The following SOBP variants were observed in gnomAD, a reference collection of about 807,000 sequenced individuals.
SOBP encodes the protein sine oculis binding protein homolog, also known as sine oculis-binding protein homolog.
SOBP carries 4 observed loss-of-function variants against 53.6 expected under a neutral mutation model. The ratio of observed to expected loss-of-function variants is 0.07; its 90% CI spans 0.04 to 0.17. The LOEUF (loss-of-function observed/expected upper bound fraction) is 0.17, where lower values mean the gene tolerates loss of function less well. Ranked by LOEUF, SOBP falls within the 10% of genes least tolerant of loss-of-function variation. The probability of loss-of-function intolerance (pLI) is 1.00; values close to 1 mark genes in which losing one functional copy is unlikely to be tolerated. For synonymous variants in SOBP, 584 were observed against 522.6 expected (o/e 1.12, Z -1.60); for missense variants, 1,088 against 1,204.7 (o/e 0.90, Z 1.43).
At chr6:107,640,886 G>T (rs927089267) in intron 6 of SOBP, among the ~76,000 whole-genome samples, 89 of 152,312 alleles carry the variant, frequency 5.8e-4, no homozygotes, top group African/African-American at 1.7e-3. Flanking sequence ...TGCTAGTGCA[G>T]CACTGGTCCT....
intron 1 of SOBP, among the ~76,000 whole-genome samples, chr6:107,494,032 A>G (rs371787675): frequency 1.3e-5 from 2 of 152,214 alleles, no homozygotes; most frequent in African/African-American, 2.4e-5. Context: ...AAATATCTTC[A>G]TGTAGAAATG....
At position 107,658,568 on chromosome 6, in the gene SOBP, G is replaced by T. The variant is rs1772168642; in HGVS notation, c.*365G>T. On this transcript the variant is annotated 3_prime_UTR_variant, in exon 7 of 7. Coordinates refer to ENST00000317357, the MANE Select transcript of SOBP (RefSeq NM_018013.4). ...GCCCCATCTTCAAGGCTCAGCGACT[G>T]AGGCTGGAAGATGATATGGATTGGA... 6.6e-6 allele frequency: 1 copy of T among 152,644 alleles called. No individual in the cohort carries two copies. Among genetic ancestry groups the T allele is most frequent in the Non-Finnish European group, 1.5e-5 (1 of 68,046 alleles). 9.5% of individuals were successfully genotyped at this position (152,644 alleles called of 1,614,324 possible).
At chr6:107,498,404 T>A (rs973294365) in intron 1 of SOBP, among the ~76,000 whole-genome samples, 1 of 152,216 alleles carries the variant, frequency 6.6e-6, no homozygotes, top group African/African-American at 2.4e-5. Flanking sequence ...AATCTACTTG[T>A]TGTTTTCAAA....
intron 5 of SOBP, among the ~76,000 whole-genome samples, chr6:107,602,508 A>G (rs1199051822): frequency 6.7e-6 from 1 of 150,104 alleles, no homozygotes; most frequent in African/African-American, 2.5e-5. Flanking sequence ...AATCAAACCA[A>G]AGTCTGGAAC....
chr6:107,562,398 C>G (rs1400602917), intron 4 of SOBP, among the ~76,000 whole-genome samples: 3 of 152,142 alleles, frequency 2.0e-5, no homozygotes, highest in Non-Finnish European at 4.4e-5. Flanking sequence ...AAAAGTTTGT[C>G]TTTAGACCGT....
At chr6:107,509,411 C>A (rs56884503) in intron 3 of SOBP, among the ~76,000 whole-genome samples, 18,453 of 144,644 alleles carry the variant, frequency 0.13, 1,842 homozygotes, top group African/African-American at 0.25. Context: ...AAAAAAAAAA[C>A]AAAACAAAAA....
intron 5 of SOBP, among the ~76,000 whole-genome samples, chr6:107,611,560 C>T (rs901426315): frequency 4.6e-5 from 7 of 152,202 alleles, no homozygotes; most frequent in Admixed American, 2.0e-4. Context: ...TATCACTTTC[C>T]TCCTCAGCCC....
In SOBP at chr6:107,660,429, G is replaced by A. The variant is rs1772249909; in HGVS notation, c.*2226G>A. 6.6e-6 allele frequency among the ~76,000 whole-genome samples: 1 copy of A among 152,148 alleles called. No individual in the cohort carries two copies. ...ACAGTGCATGGGAAGTGAGTGTTTA[G>A]GCTGTAGACCCAGGTGTGGTGTCCC... On this transcript the variant is annotated 3_prime_UTR_variant, in exon 7 of 7. Transcript: ENST00000317357.
At chr6:107,515,300 A>G (rs1419738816) in intron 3 of SOBP, among the ~76,000 whole-genome samples, 1 of 152,248 alleles carries the variant, frequency 6.6e-6, no homozygotes, top group African/African-American at 2.4e-5. Flanking sequence ...AAAAACAAAC[A>G]AAGAAAAGAA....
intron 5 of SOBP, among the ~76,000 whole-genome samples, chr6:107,626,016 C>A (rs1770444902): frequency 6.6e-6 from 1 of 151,828 alleles, no homozygotes; most frequent in South Asian, 2.1e-4. Context: ...AATGAAACTT[C>A]AAATATTCAT....
intron 3 of SOBP, chr6:107,513,881 A>G (rs916656199): frequency 6.6e-5 from 10 of 152,608 alleles, no homozygotes; most frequent in Non-Finnish European, 1.2e-4. Context: ...GTTTTTGAGC[A>G]TGTATTATGC....
chr6:107,563,975 A>G (rs1018871861), intron 4 of SOBP, among the ~76,000 whole-genome samples: 1 of 152,156 alleles, frequency 6.6e-6, no homozygotes, highest in African/African-American at 2.4e-5. Context: ...ACTAGTATCC[A>G]TTTTTGTACA....
At position 107,635,157 on chromosome 6, in the gene SOBP, C is replaced by G. The variant is rs754535066; in HGVS notation, c.2313C>G (p.Val771=). Residue 771 remains valine (V), a synonymous_variant, in exon 6 of 7, where the codon GTC becomes GTG. Transcript: ENST00000317357. This position sits in a 1 kb window ranked among gnomAD's most constrained non-coding sequence, Gnocchi z 4.5. ...CGGCGGTGAGCGAGCTAGAGTCGGTCAAGGAGAATAACTGTGCTTCCAACT... is the reference window on the plus strand; with the variant it reads ...CGGCGGTGAGCGAGCTAGAGTCGGTGAAGGAGAATAACTGTGCTTCCAACT... The part of the protein sequence containing the change: ...EEPAVSELES[V]KENNCASNCH... The G allele has an allele frequency of 6.2e-7, 1 of 1,613,484 alleles. No homozygotes were observed. The highest frequency in any genetic ancestry group is 1.1e-5 in the South Asian group (1 of 91,066).
chr6:107,524,265 T>C (rs1287560604), intron 3 of SOBP, among the ~76,000 whole-genome samples: 1 of 152,200 alleles, frequency 6.6e-6, no homozygotes, highest in Non-Finnish European at 1.5e-5. Context: ...TCTGACTCCC[T>C]TGTCGCTTAT....
At chr6:107,564,717 C>T (rs139844837) in intron 4 of SOBP, among the ~76,000 whole-genome samples, 1 of 152,282 alleles carries the variant, frequency 6.6e-6, no homozygotes, top group South Asian at 2.1e-4. Flanking sequence ...TGCTTTCAGG[C>T]CGATACTTTA....
rs539760832 is a variant in SOBP, at chr6:107,630,680, G to A, written c.670-2834G>A. Reference sequence around the variant, plus strand: ...GCTTCACCAGAAAGATTGCTTTTCTGTATTTTTAGATCAGTATTCTGAATT... The same window carrying A: ...GCTTCACCAGAAAGATTGCTTTTCTATATTTTTAGATCAGTATTCTGAATT... On this transcript the variant is annotated intron_variant, in intron 5 of 6. Transcript: ENST00000317357. Among the ~76,000 whole-genome samples, 15 of 151,860 alleles carry A rather than the reference G, an allele frequency of 9.9e-5. No homozygotes were observed. In the South Asian group the frequency reaches 2.7e-3, roughly 27 times the overall value.
In SOBP at chr6:107,634,725, C is replaced by T. The variant is rs1770921036; in HGVS notation, c.1881C>T (p.Ala627=). The T allele has an allele frequency of 3.7e-6, 5 of 1,359,578 alleles. No individual in the cohort carries two copies. The highest frequency in any genetic ancestry group is 4.7e-6 in the Non-Finnish European group (5 of 1,064,918). 84.2% of individuals were successfully genotyped at this position (1,359,578 alleles called of 1,614,324 possible). Residue 627 remains alanine, a synonymous_variant, in exon 6 of 7, where the codon GCC becomes GCT. Coordinates refer to ENST00000317357, the MANE Select transcript of SOBP (RefSeq NM_018013.4). The surrounding 1 kb of genome is among the most constrained non-coding windows in gnomAD (Gnocchi z 4.5). ...AGGTGGTGGACCTGACGCGGCGCGC[C>T]GGCAGCCCCCCGGGCCCCCCGGGCG... ...RSEVVDLTRR[A]GSPPGPPGAG...
At chr6:107,521,957 C>CAA (rs1783509677) in intron 3 of SOBP, among the ~76,000 whole-genome samples, 1 of 123,968 alleles carries the variant, frequency 8.1e-6, no homozygotes, top group Admixed American at 8.5e-5. Flanking sequence ...CACACACACA[C>CAA]ACAAACTCAA....
chr6:107,619,684 G>T (rs1327925010), intron 5 of SOBP, among the ~76,000 whole-genome samples: 7 of 152,200 alleles, frequency 4.6e-5, no homozygotes, highest in Non-Finnish European at 1.0e-4. Context: ...GAGACCCTCA[G>T]AAATAGTAGT....
Sources: allele counts gnomAD v4.1 joint callset (sites outside exome capture counted in the v4.1 genomes callset), GRCh38; gene constraint gnomAD v4.1.1; non-coding constraint Gnocchi (gnomAD v3.1); transcripts MANE v1.5; gene names NCBI Gene and HGNC (gene_info 2026-07-23, HGNC 2026-07-21).